CPNE1: variants seen among roughly 807,000 people sequenced by gnomAD.
CPNE1 encodes copine 1.
CPNE1 carries 58 observed loss-of-function variants against 63.2 expected under a neutral mutation model. The observed-to-expected ratio is 0.92, with a 90% CI of 0.74 to 1.14. CPNE1 has a LOEUF of 1.14. CPNE1 is among the 50% of genes most tolerant of loss of function. The pLI is 0.00. For missense variants in CPNE1, 672 were observed against 661.7 expected (o/e 1.02, Z -0.17); for synonymous variants, 237 against 249.0 (o/e 0.95, Z 0.45).
intron 1 of CPNE1, among the ~76,000 whole-genome samples, chr20:35,647,936 C>T (rs553050308): frequency 8.6e-5 from 13 of 150,392 alleles, no homozygotes; most frequent in East Asian, 2.0e-4. Flanking sequence ...CTTGGCGGCA[C>T]GCACCTATAG....
chr20:35,638,526 A>G (rs1214877942), intron 1 of CPNE1, among the ~76,000 whole-genome samples: 1 of 152,242 alleles, frequency 6.6e-6, no homozygotes, highest in African/African-American at 2.4e-5. Flanking sequence ...TGGCAAGGAT[A>G]TGGAACTCTC....
intron 1 of CPNE1, among the ~76,000 whole-genome samples, chr20:35,657,567 A>G (rs1336801520): frequency 6.6e-6 from 1 of 152,224 alleles, no homozygotes; most frequent in Admixed American, 6.5e-5. Flanking sequence ...TGACATACAC[A>G]GTTAAGTCTT....
At chr20:35,633,035 C>G in intron 1 of CPNE1, 112 bp from the exon 2 acceptor site, 1 of 739,112 alleles carries the variant, frequency 1.4e-6, no homozygotes, top group South Asian at 1.7e-5. Flanking sequence ...GCTGAGCATA[C>G]GTCCACCCCC....
chr20:35,639,572 G>A (rs1372205848), intron 1 of CPNE1, among the ~76,000 whole-genome samples: 1 of 152,228 alleles, frequency 6.6e-6, no homozygotes, highest in Non-Finnish European at 1.5e-5. Flanking sequence ...CTGACCTGAG[G>A]TGATCCGCCC....
intron 1 of CPNE1, among the ~76,000 whole-genome samples, chr20:35,644,865 G>A (rs985035006): frequency 4.6e-5 from 7 of 152,140 alleles, no homozygotes; most frequent in Admixed American, 4.6e-4. Flanking sequence ...TACAGGAGTT[G>A]ATCAAAGGAA....
intron 1 of CPNE1, chr20:35,654,211 T>C (rs1044790513): frequency 4.3e-6 from 7 of 1,614,256 alleles, no homozygotes; most frequent in Non-Finnish European, 2.5e-6. Context: ...AACTTCCACA[T>C]AGCGTTGAAT....
intron 1 of CPNE1, chr20:35,655,227 G>A (rs754871778): frequency 3.7e-6 from 6 of 1,613,770 alleles, no homozygotes; most frequent in Middle Eastern, 1.6e-4. Flanking sequence ...CAATATGCAC[G>A]CCCCCATCAG....
intron 13 of CPNE1, among the ~76,000 whole-genome samples, chr20:35,628,354 A>G (rs6058283): frequency 0.25 from 37,423 of 151,866 alleles, 5,267 homozygotes; most frequent in African/African-American, 0.39. Context: ...GTGTGTGATG[A>G]GTATTTGTAT....
chr20:35,639,579 G>A (rs998943591), intron 1 of CPNE1, among the ~76,000 whole-genome samples: 7 of 152,152 alleles, frequency 4.6e-5, no homozygotes, highest in Non-Finnish European at 5.9e-5. Flanking sequence ...GAGGTGATCC[G>A]CCCGCCTTGG....
chr20:35,648,686 T>C (rs980598474), intron 1 of CPNE1, among the ~76,000 whole-genome samples: 4 of 152,222 alleles, frequency 2.6e-5, no homozygotes, highest in Non-Finnish European at 5.9e-5. Flanking sequence ...CAACACATCA[T>C]ACACATAAAA....
At chr20:35,659,114 A>G (rs554811110) in intron 1 of CPNE1, 60 of 478,988 alleles carry the variant, frequency 1.3e-4, no homozygotes, top group African/African-American at 1.2e-3. Context: ...TGAAACCACC[A>G]GAGTACTTCA....
At chr20:35,634,130 G>A (rs1317341241) in intron 1 of CPNE1, among the ~76,000 whole-genome samples, 4 of 150,662 alleles carry the variant, frequency 2.7e-5, no homozygotes, top group African/African-American at 2.4e-5. Flanking sequence ...GTGTGGTGGC[G>A]GGCGCCTGTA....
chr20:35,626,582 G>A lies in CPNE1; in HGVS notation c.1458C>T (p.Tyr486=), dbSNP rs1357659423. The A allele has an allele frequency of 1.2e-6, 2 of 1,613,986 alleles. No individual in the cohort carries two copies. Among genetic ancestry groups the A allele is most frequent in the African/African-American group, 2.7e-5 (2 of 74,918 alleles). The change falls in exon 15 of 16, where the codon TAC becomes TAT. Residue 486 remains tyrosine (Y), a synonymous_variant. Coordinates refer to ENST00000397443, the MANE Select transcript of CPNE1 (RefSeq NM_152925.3). ...ACCTACTCACATTCTGGAACCGGCG[G>A]TAGGGTACAAACTGCACAATGTCGC... is the stretch of plus-strand genomic sequence containing the variant. ...AARDIVQFVP[Y]RRFQNAPREA...
chr20:35,652,638 C>T lies in CPNE1; in HGVS notation c.-1+12122G>A. On this transcript the variant is annotated intron_variant, in intron 1 of 15. Coordinates refer to ENST00000397443, the MANE Select transcript of CPNE1 (RefSeq NM_152925.3). ...AGGCCACCATGGCTTCACCTGTGGGCATACCTTTTTCATTGTATTTTAAAC... is the reference window on the plus strand; with the variant it reads ...AGGCCACCATGGCTTCACCTGTGGGTATACCTTTTTCATTGTATTTTAAAC... 6.2e-7 allele frequency: 1 copy of T among 1,614,178 alleles called. No individual in the cohort carries two copies. Among genetic ancestry groups the T allele is most frequent in the Non-Finnish European group, 8.5e-7 (1 of 1,180,006 alleles).
At chr20:35,662,788 A>G (rs920804152) in intron 1 of CPNE1, among the ~76,000 whole-genome samples, 3 of 152,182 alleles carry the variant, frequency 2.0e-5, no homozygotes, top group Non-Finnish European at 4.4e-5. Flanking sequence ...CTCAATACTC[A>G]ATCATCAAAA....
intron 1 of CPNE1, among the ~76,000 whole-genome samples, chr20:35,636,267 A>G (rs1326377451): frequency 6.6e-6 from 1 of 152,202 alleles, no homozygotes; most frequent in Non-Finnish European, 1.5e-5. Flanking sequence ...TCAGGATCAC[A>G]GCTTCCCCCA....
intron 13 of CPNE1, 56 bp from the exon 14 acceptor site, chr20:35,627,469 G>C (rs1360869966): frequency 1.3e-6 from 2 of 1,567,680 alleles, no homozygotes; most frequent in Admixed American, 3.6e-5. Context: ...GACTACACCA[G>C]TCCTGAAATC....
At chr20:35,646,478 C>T (rs865847194) in intron 1 of CPNE1, among the ~76,000 whole-genome samples, 4 of 151,210 alleles carry the variant, frequency 2.6e-5, no homozygotes, top group African/African-American at 9.7e-5. Flanking sequence ...CCACCTCGGC[C>T]TCCCAAAGTG....
At chr20:35,659,033 G>T in intron 1 of CPNE1, 1 of 715,474 alleles carries the variant, frequency 1.4e-6, no homozygotes, top group Non-Finnish European at 2.6e-6. Flanking sequence ...GAGAATAAAC[G>T]GAGGCAAAAA....
Sources: allele counts gnomAD v4.1 joint callset (sites outside exome capture counted in the v4.1 genomes callset), GRCh38; gene constraint gnomAD v4.1.1; transcripts MANE v1.5; gene names NCBI Gene and HGNC (gene_info 2026-07-23, HGNC 2026-07-21).